The following RGS6 variants were observed in gnomAD, a reference collection of about 807,000 sequenced individuals.
RGS6 encodes regulator of G protein signaling 6, also known as regulator of G-protein signaling 6.
In RGS6, 30 loss-of-function variants were observed where a neutral mutation model predicts 78.5. The ratio of observed to expected loss-of-function variants is 0.38; its 90% CI spans 0.29 to 0.52. The LOEUF is 0.52. RGS6 is among the 20% of genes least tolerant of loss of function. The pLI, the probability that RGS6 is intolerant of heterozygous loss-of-function variation, is 0.85. For synonymous variants in RGS6, 206 were observed against 206.0 expected (o/e 1.00, Z 0.00); for missense variants, 495 against 609.7 (o/e 0.81, Z 1.98).
At chr14:72,503,255 A>G (rs1239553651) in intron 13 of RGS6, among the ~76,000 whole-genome samples, 1 of 152,218 alleles carries the variant, frequency 6.6e-6, no homozygotes, top group Non-Finnish European at 1.5e-5. Context: ...TCAGGATTTC[A>G]ACATATAAAT....
At chr14:72,028,427 A>G (rs1018239151) in intron 2 of RGS6, among the ~76,000 whole-genome samples, 4 of 152,196 alleles carry the variant, frequency 2.6e-5, no homozygotes, top group Non-Finnish European at 5.9e-5. Context: ...TAGCTAATAC[A>G]TCTTACAGTT....
At chr14:71,988,323 T>C (rs555734628) in intron 2 of RGS6, among the ~76,000 whole-genome samples, 15 of 152,204 alleles carry the variant, frequency 9.9e-5, no homozygotes, top group Non-Finnish European at 1.8e-4. Flanking sequence ...GCTGATGACA[T>C]GTTACAACTT....
chr14:71,908,660 C>A, the RGS6 span, among the ~76,000 whole-genome samples: 1 of 152,102 alleles, frequency 6.6e-6, no homozygotes, highest in Non-Finnish European at 1.5e-5. Flanking sequence ...GAGAATCAGG[C>A]AAAGCTTCCT....
At chr14:72,228,152 G>C (rs1346681320) in intron 2 of RGS6, among the ~76,000 whole-genome samples, 1 of 152,018 alleles carries the variant, frequency 6.6e-6, no homozygotes, top group East Asian at 1.9e-4. Context: ...GCCGAGGTGG[G>C]TAGATAACTT....
chr14:72,159,786 A>T (rs1167938796), intron 2 of RGS6, among the ~76,000 whole-genome samples: 2 of 152,142 alleles, frequency 1.3e-5, no homozygotes, highest in African/African-American at 4.8e-5. Flanking sequence ...TCCTTATTGC[A>T]TCGTCAAGCA....
At chr14:72,280,336 A>C (rs1013168747) in intron 2 of RGS6, among the ~76,000 whole-genome samples, 1 of 152,234 alleles carries the variant, frequency 6.6e-6, no homozygotes, top group Non-Finnish European at 1.5e-5. Context: ...TTAAAACTCT[A>C]CAAAGTAAAA....
intron 3 of RGS6, among the ~76,000 whole-genome samples, chr14:72,363,999 TAAAAAAAA>T (rs55943058): frequency 0.015 from 716 of 46,810 alleles, 26 homozygotes; most frequent in Admixed American, 0.14. Context: ...TGGACAAGGC[TAAAAAAAA>T]AAAAAAAAAA....
At chr14:72,538,179 A>G (rs143191017) in intron 16 of RGS6, among the ~76,000 whole-genome samples, 2 of 152,286 alleles carry the variant, frequency 1.3e-5, no homozygotes, top group African/African-American at 4.8e-5. Flanking sequence ...GTAACTCGGC[A>G]CTTTCAGGTA....
intron 17 of RGS6, among the ~76,000 whole-genome samples, chr14:72,552,161 T>C (rs541974759): frequency 6.6e-6 from 1 of 152,340 alleles, no homozygotes; most frequent in Admixed American, 6.5e-5. Context: ...CTGCACAAGG[T>C]GCATGTATTA....
intron 3 of RGS6, among the ~76,000 whole-genome samples, chr14:72,364,743 G>A (rs2082150560): frequency 6.6e-6 from 1 of 152,172 alleles, no homozygotes; most frequent in Non-Finnish European, 1.5e-5. Flanking sequence ...TAAATAAACA[G>A]CAAGTGATTT....
chr14:72,292,094 G>A (rs1191976716), intron 2 of RGS6, among the ~76,000 whole-genome samples: 1 of 152,110 alleles, frequency 6.6e-6, no homozygotes, highest in Non-Finnish European at 1.5e-5. Context: ...ACTGTCCTAA[G>A]CAGAAGAGGC....
At chr14:71,912,461 T>C in the RGS6 span, among the ~76,000 whole-genome samples, 1 of 152,208 alleles carries the variant, frequency 6.6e-6, no homozygotes. Context: ...TGAAGAGTGT[T>C]ATAGTGTCAC....
chr14:72,597,244 AAAAG>A, the RGS6 span, among the ~76,000 whole-genome samples: 21 of 131,942 alleles, frequency 1.6e-4, no homozygotes, highest in East Asian at 1.6e-3. Flanking sequence ...ATCTCAAAAA[AAAAG>A]AAAGAGAGAG....
chr14:72,069,474 G>A (rs1188055946), intron 2 of RGS6, among the ~76,000 whole-genome samples: 3 of 151,968 alleles, frequency 2.0e-5, no homozygotes, highest in Non-Finnish European at 2.9e-5. Flanking sequence ...TTCCTCTCTT[G>A]TGCTGTATAC....
Position 72,561,548 on chromosome 14 carries a change from T to A in RGS6, c.1423-869T>A, listed in dbSNP as rs762133471. On this transcript the variant is annotated intron_variant, in intron 17 of 17. Transcript: ENST00000553525. ...GGAGCCTCGCTCGTGCCCCTCACCC[T>A]CCTCCTGGTGCCCAGTCGCAACTCC... 4.5e-4 allele frequency among the ~76,000 whole-genome samples: 69 copies of A among 152,232 alleles called. 1 individual carries two copies. Among genetic ancestry groups the A allele is most frequent in the Admixed American group, 7.8e-4 (12 of 15,296 alleles).
chr14:72,143,234 G>A (rs540042031), intron 2 of RGS6, among the ~76,000 whole-genome samples: 31 of 152,126 alleles, frequency 2.0e-4, no homozygotes, highest in Admixed American at 7.8e-4. Context: ...TTAGTCAGGC[G>A]TGGTGGTGGG....
intron 2 of RGS6, among the ~76,000 whole-genome samples, chr14:72,342,850 T>C (rs2077304426): frequency 6.6e-6 from 1 of 152,006 alleles, no homozygotes. Context: ...ACTTAGGGTT[T>C]ATAGACAGGC....
chr14:72,313,477 T>C (rs980752068), intron 2 of RGS6, among the ~76,000 whole-genome samples: 2 of 152,220 alleles, frequency 1.3e-5, no homozygotes, highest in African/African-American at 4.8e-5. Flanking sequence ...CTTCTCTTGA[T>C]AGCCTTAAAT....
At chr14:71,888,965 G>A in the RGS6 span, among the ~76,000 whole-genome samples, 1 of 152,162 alleles carries the variant, frequency 6.6e-6, no homozygotes, top group African/African-American at 2.4e-5. Flanking sequence ...CTTAACTATA[G>A]CATTATTGTC....
Sources: allele counts gnomAD v4.1 joint callset (sites outside exome capture counted in the v4.1 genomes callset), GRCh38; gene constraint gnomAD v4.1.1; transcripts MANE v1.5; gene names NCBI Gene and HGNC (gene_info 2026-07-23, HGNC 2026-07-21).